The following SPIRE2 variants were observed in gnomAD, a reference collection of about 807,000 sequenced individuals.
SPIRE2 encodes the protein protein spire homolog 2.
SPIRE2 carries 76 observed loss-of-function variants against 80.7 expected under a neutral mutation model. The ratio of observed to expected loss-of-function variants is 0.94; its 90% CI spans 0.78 to 1.14. The LOEUF (loss-of-function observed/expected upper bound fraction) is 1.14. Among genes scored for constraint, SPIRE2 ranks in the 50% most tolerant of loss-of-function variants. The pLI, the probability that SPIRE2 is intolerant of heterozygous loss-of-function variation, is 0.00. For synonymous variants in SPIRE2, 535 were observed against 432.6 expected, an observed-to-expected ratio of 1.24 and a Z score of -2.94; for missense variants, 1,196 against 1,015.3, an observed-to-expected ratio of 1.18 and a Z score of -2.42.
At position 89,832,326 on chromosome 16, in the gene SPIRE2, T is replaced by A. The variant is rs184947582; in HGVS notation, c.244+3532T>A. 1.6e-4 allele frequency among the ~76,000 whole-genome samples: 25 copies of A among 152,368 alleles called. No homozygotes were observed. In the East Asian group the frequency reaches 3.1e-3, roughly 19 times the overall value. On this transcript the variant is annotated intron_variant, in intron 1 of 14. Coordinates refer to ENST00000378247, the MANE Select transcript of SPIRE2 (RefSeq NM_032451.2). ...GGCCTCCTCAGTGGCCAGGACTGTC[T>A]GGTGAGCTTGCCTTTATTTTAAAAT...
chr16:89,836,329 A>T, intron 1 of SPIRE2: 2 of 448,834 alleles, frequency 4.5e-6, no homozygotes, highest in Admixed American at 4.9e-5. Flanking sequence ...GTTAGAACAC[A>T]GACAGCTTTA....
rs774389643 is a variant in SPIRE2, at chr16:89,854,319, C to A, written c.679C>A (p.Leu227Met). The A allele has an allele frequency of 3.7e-5, 60 of 1,612,486 alleles. No homozygotes were observed. The Admixed American group carries it at 6.7e-4, about 18-fold the overall frequency. The change falls in exon 4 of 15, where the codon CTG (leucine) becomes ATG (methionine). Residue 227 changes from leucine (L) to methionine (M), a missense_variant. Transcript: ENST00000378247. ...GAAGCTTCGGGAGGACGAGCCGCAT[C>A]TGGAGACGCCTCGGGCAGAGCTGGA... Reference protein sequence around the residue: ...LQKLREDEPHLETPRAELDSL... With the variant: ...LQKLREDEPHMETPRAELDSL...
chr16:89,836,039 G>C (rs992640629), intron 1 of SPIRE2, among the ~76,000 whole-genome samples: 23 of 152,144 alleles, frequency 1.5e-4, no homozygotes, highest in Non-Finnish European at 2.8e-4. Context: ...GCTGAGCTTG[G>C]TGGCGGGCGT....
rs2041347919 is a variant in SPIRE2, at chr16:89,828,579, C to A, written c.29C>A (p.Ala10Asp). The part of the protein sequence containing the change: MARAGSCGG[A>D]AAGAGRPEPW... ...GCCCGGGCGGGCAGCTGCGGCGGCG[C>A]CGCGGCGGGCGCAGGGCGGCCGGAG... Residue 10 changes from alanine (A) to aspartate (D), a missense_variant, in exon 1 of 15, where the codon GCC becomes GAC. Ala to Asp is a moderately radical substitution (Grantham distance 126). Transcript: ENST00000378247. The surrounding 1 kb of genome is among the most constrained non-coding windows in gnomAD (Gnocchi z 5.9). 8.5e-7 allele frequency: 1 copy of A among 1,169,992 alleles called. No individual in the cohort carries two copies. Among genetic ancestry groups the A allele is most frequent in the South Asian group, 3.5e-5 (1 of 28,610 alleles). The allele number at this position is 1,169,992 out of a possible 1,614,324, so 72.5% of individuals were successfully genotyped here.
intron 5 of SPIRE2, 146 bp downstream of exon 5, chr16:89,854,797 A>G (rs1178081324): frequency 1.2e-6 from 1 of 820,096 alleles, no homozygotes; most frequent in Admixed American, 2.8e-5. Context: ...CTGGGTCATA[A>G]AATATGGATT....
At chr16:89,859,945 GT>G (rs2041728153) in intron 9 of SPIRE2, among the ~76,000 whole-genome samples, 1 of 152,186 alleles carries the variant, frequency 6.6e-6, no homozygotes. Context: ...GGACAATCGT[GT>G]TTGGTGCTTA....
At chr16:89,858,940 G>T (rs540373811) in intron 8 of SPIRE2, among the ~76,000 whole-genome samples, 1 of 152,314 alleles carries the variant, frequency 6.6e-6, no homozygotes, top group South Asian at 2.1e-4. Flanking sequence ...CTCTGCCTCC[G>T]TCTGACACTA....
At chr16:89,834,084 CTG>C (rs1203623709) in intron 1 of SPIRE2, among the ~76,000 whole-genome samples, 16 of 151,284 alleles carry the variant, frequency 1.1e-4, no homozygotes, top group Middle Eastern at 3.5e-3. Context: ...GTGAACCTGC[CTG>C]CGCTCGCGGT....
chr16:89,857,388 A>T (rs988961148), intron 7 of SPIRE2, among the ~76,000 whole-genome samples: 2 of 151,940 alleles, frequency 1.3e-5, no homozygotes, highest in Non-Finnish European at 2.9e-5. Context: ...CTTCTGCCTC[A>T]GCTTCCCGAA....
intron 12 of SPIRE2, among the ~76,000 whole-genome samples, chr16:89,865,227 C>T (rs1407673606): frequency 2.0e-5 from 3 of 152,024 alleles, no homozygotes; most frequent in Non-Finnish European, 1.5e-5. Flanking sequence ...AGGATGGTCT[C>T]GATCCCCTGA....
chr16:89,834,739 C>T (rs561267357), intron 1 of SPIRE2, among the ~76,000 whole-genome samples: 100 of 106,478 alleles, frequency 9.4e-4, no homozygotes, highest in African/African-American at 3.3e-3. Context: ...AATCTGTGAA[C>T]CTGCCCGCAC....
intron 12 of SPIRE2, among the ~76,000 whole-genome samples, chr16:89,864,977 G>A (rs2041776373): frequency 6.6e-6 from 1 of 151,864 alleles, no homozygotes; most frequent in African/African-American, 2.4e-5. Flanking sequence ...TCAGGGAGAG[G>A]GGAAAATTGG....
chr16:89,830,911 T>C (rs959081760), intron 1 of SPIRE2, among the ~76,000 whole-genome samples: 1 of 33,946 alleles, frequency 2.9e-5, no homozygotes, highest in African/African-American at 2.7e-4. Flanking sequence ...TTAGAATCTT[T>C]TTTTTTTTTT....
chr16:89,828,784 CGAGGCCGCGGGT>C lies in SPIRE2; in HGVS notation c.242_244+9del. On this transcript the variant is annotated splice_donor_variant and coding_sequence_variant, in exon 1 of 15. Coordinates refer to ENST00000378247, the MANE Select transcript of SPIRE2 (RefSeq NM_032451.2). LOFTEE classifies it high-confidence loss of function. The surrounding 1 kb of genome is among the most constrained non-coding windows in gnomAD (Gnocchi z 5.9). ...ACGGCTCGGTCGGGGCGCGGGAGCC[CGAGGCCGCGGGT>C]GAGGCCGGGGGCGGGGCAGCCGGCG... The C allele has an allele frequency of 2.5e-6, 3 of 1,183,276 alleles. No homozygotes were observed. The highest frequency in any genetic ancestry group is 4.2e-5 in the South Asian group (1 of 24,006). The allele number at this position is 1,183,276 out of a possible 1,614,324, so 73.3% of individuals were successfully genotyped here. A position where few individuals can be genotyped will look rare whatever the true frequency, so the allele number is the denominator to read the frequency against.
At chr16:89,829,915 G>A (rs1401933682) in intron 1 of SPIRE2, among the ~76,000 whole-genome samples, 3 of 151,306 alleles carry the variant, frequency 2.0e-5, no homozygotes, top group South Asian at 2.1e-4. Context: ...GGGGTGAGAC[G>A]GCAGGTGCAT....
rs1433426219 is a variant in SPIRE2, at chr16:89,869,049, A to C, written c.1807-518A>C. On this transcript the variant is annotated intron_variant, in intron 13 of 14. Transcript: ENST00000378247. ...TGTGTCTTAAAAAAAAAAAAAAAAAAAAAAATATATATATATATATATATA... is the reference window on the plus strand; with the variant it reads ...TGTGTCTTAAAAAAAAAAAAAAAAACAAAAATATATATATATATATATATA... Among the ~76,000 whole-genome samples the C allele has an allele frequency of 6.7e-4, 22 of 32,826 alleles. 4 individuals are homozygous for C. The highest frequency in any genetic ancestry group is 5.2e-3 in the East Asian group (2 of 382). 21.5% of individuals were successfully genotyped at this position (32,826 alleles called of 152,430 possible).
rs948100116 is a variant in SPIRE2, at chr16:89,860,717, C to T, written c.1497C>T (p.His499=). 25 of 1,592,318 alleles carry T rather than the reference C, an allele frequency of 1.6e-5. No individual in the cohort carries two copies. Among genetic ancestry groups the T allele is most frequent in the Non-Finnish European group, 2.0e-5 (23 of 1,170,158 alleles). The change falls in exon 10 of 15, where the codon CAC becomes CAT. Residue 499 remains histidine, a synonymous_variant. Coordinates refer to ENST00000378247, the MANE Select transcript of SPIRE2 (RefSeq NM_032451.2). ...CCGCGAGTGTCTCTGACCCCAGCCA[C>T]CCCCTACTCAGCAACCGGGGCTCCT... ...TCPASVSDPS[H]PLLSNRGSSG... is the part of the protein sequence containing the mutation.
intron 1 of SPIRE2, among the ~76,000 whole-genome samples, chr16:89,840,203 A>G (rs1446368307): frequency 2.0e-5 from 3 of 151,384 alleles, no homozygotes; most frequent in Non-Finnish European, 4.4e-5. Context: ...TGCAGGCAGC[A>G]AATGTCCCAC....
rs1377160160 is a variant in SPIRE2, at chr16:89,850,431, A to G, written c.416A>G (p.Asp139Gly). The G allele has an allele frequency of 1.3e-6, 2 of 1,580,548 alleles. No individual in the cohort carries two copies. The highest frequency in any genetic ancestry group is 2.3e-5 in the East Asian group (1 of 43,788). ...CTCATGGCCAACAACGACAGCGAGG[A>G]CAGCGGCTGCGGTGCCGCCGATGAG... ...IDLMANNDSE[D>G]SGCGAADEGY... The change falls in exon 3 of 15, where the codon GAC (aspartate) becomes GGC (glycine). Residue 139 changes from aspartate to glycine, a missense_variant. Asp to Gly is a moderately conservative substitution (Grantham distance 94, BLOSUM62 -1). Coordinates refer to ENST00000378247, the MANE Select transcript of SPIRE2 (RefSeq NM_032451.2).
Sources: allele counts gnomAD v4.1 joint callset (sites outside exome capture counted in the v4.1 genomes callset), GRCh38; gene constraint gnomAD v4.1.1; non-coding constraint Gnocchi (gnomAD v3.1); transcripts MANE v1.5; gene names NCBI Gene and HGNC (gene_info 2026-07-23, HGNC 2026-07-21).